The following AGAP1 variants were observed in gnomAD, a reference collection of about 807,000 sequenced individuals.
AGAP1 encodes arf-GAP with GTPase, ANK repeat and PH domain-containing protein 1.
In AGAP1, 29 loss-of-function variants were observed where a neutral mutation model predicts 105.3. The ratio of observed to expected loss-of-function variants is 0.28; its 90% CI spans 0.21 to 0.38. The LOEUF (loss-of-function observed/expected upper bound fraction) is 0.38, where lower values mean the gene tolerates loss of function less well. AGAP1 is among the 10% of genes least tolerant of loss of function. The probability of loss-of-function intolerance (pLI) is 1.00; values close to 1 mark genes in which losing one functional copy is unlikely to be tolerated. For synonymous variants in AGAP1, 509 were observed against 485.9 expected (o/e 1.05, Z -0.63); for missense variants, 998 against 1,165.1 (o/e 0.86, Z 2.09).
intron 1 of AGAP1, among the ~76,000 whole-genome samples, chr2:235,684,198 C>T (rs988354626): frequency 1.4e-4 from 22 of 152,226 alleles, no homozygotes; most frequent in Non-Finnish European, 2.6e-4. Context: ...GCCGCCACCA[C>T]GCCTGGCTAA....
rs2050673278 is a variant in AGAP1 at position 235,893,890 on chromosome 2, A to G, written c.1155+10441A>G. On this transcript the variant is annotated intron_variant, in intron 10 of 17. Coordinates refer to ENST00000304032, the MANE Select transcript of AGAP1 (RefSeq NM_001037131.3). This position sits in a 1 kb window ranked among gnomAD's most constrained non-coding sequence, Gnocchi z 4.7. ...ACATTGACAATCCTGGCTGTGCTCT[A>G]CAGATTGTGGTATGATTGAGACTAA... is the stretch of plus-strand genomic sequence containing the variant. 6.6e-6 allele frequency among the ~76,000 whole-genome samples: 1 copy of G among 152,062 alleles called. No individual in the cohort carries two copies. The highest frequency in any genetic ancestry group is 1.9e-4 in the East Asian group (1 of 5,182).
chr2:235,771,428 G>T (rs961447755), intron 6 of AGAP1, among the ~76,000 whole-genome samples: 2 of 152,192 alleles, frequency 1.3e-5, no homozygotes, highest in African/African-American at 4.8e-5. Context: ...AGGAACCCAC[G>T]GACCTGCCAC....
chr2:235,783,296 T>C (rs761982801), intron 6 of AGAP1: 1 of 468,548 alleles, frequency 2.1e-6, no homozygotes, highest in African/African-American at 2.0e-5. Flanking sequence ...CTTTTACCTA[T>C]AGCTAACATT....
chr2:235,797,127 T>C (rs1022732272), intron 6 of AGAP1, among the ~76,000 whole-genome samples: 3 of 152,184 alleles, frequency 2.0e-5, no homozygotes, highest in African/African-American at 7.2e-5. Flanking sequence ...TCTTTAGGCT[T>C]TGGGGGAAAA....
intron 12 of AGAP1, among the ~76,000 whole-genome samples, chr2:235,939,769 C>T (rs1193186520): frequency 2.0e-5 from 3 of 152,166 alleles, no homozygotes; most frequent in Non-Finnish European, 2.9e-5. Flanking sequence ...TCTCTGAAGA[C>T]ACACACAGGT....
Position 235,536,677 on chromosome 2 carries a change from A to C in AGAP1, c.163+41828A>C, listed in dbSNP as rs72984695. ...CACACACACACACACACACACACAC[A>C]CCCCTTGCTTATGTCCTCCACCCGT... On this transcript the variant is annotated intron_variant, in intron 1 of 17. Transcript: ENST00000304032. Among the ~76,000 whole-genome samples, 641 of 116,020 alleles carry C rather than the reference A, an allele frequency of 5.5e-3. 1 individual carries two copies. Among genetic ancestry groups the C allele is most frequent in the Non-Finnish European group, 8.0e-3 (416 of 51,716 alleles). The allele number at this position is 116,020 out of a possible 152,430, so 76.1% of individuals were successfully genotyped here. A position where few individuals can be genotyped will look rare whatever the true frequency, so the allele number is the denominator to read the frequency against.
chr2:235,921,851 C>T (rs1483950740), intron 11 of AGAP1, among the ~76,000 whole-genome samples: 1 of 152,180 alleles, frequency 6.6e-6, no homozygotes, highest in African/African-American at 2.4e-5. Flanking sequence ...TCCTCTCAGC[C>T]TGAAATTCCA....
rs964648394 is a variant in AGAP1, at chr2:235,750,854, G to A, written c.673+366G>A. ...AATTGCCCATTCTTAATCCAGTCCC[G>A]TCCTTTAAAGCAGTTTAAATATTTG... On this transcript the variant is annotated intron_variant, in intron 6 of 17. Coordinates refer to ENST00000304032, the MANE Select transcript of AGAP1 (RefSeq NM_001037131.3). This position sits in a 1 kb window ranked among gnomAD's most constrained non-coding sequence, Gnocchi z 5.3. Among the ~76,000 whole-genome samples, 5 of 152,032 alleles carry A rather than the reference G, an allele frequency of 3.3e-5. No individual in the cohort carries two copies. The highest frequency in any genetic ancestry group is 6.5e-5 in the Admixed American group (1 of 15,280).
rs2106568771 is a variant in AGAP1, at chr2:235,872,879, G to A, written c.1051-10466G>A. On this transcript the variant is annotated intron_variant, in intron 9 of 17. Coordinates refer to ENST00000304032, the MANE Select transcript of AGAP1 (RefSeq NM_001037131.3). The surrounding 1 kb of genome is among the most constrained non-coding windows in gnomAD (Gnocchi z 4.5). ...TTGCTTTGGGAAGAGTGTGGACTAA[G>A]AAGGGGCTTGGCTTGTGTTGCCACA... Among the ~76,000 whole-genome samples the A allele has an allele frequency of 6.6e-6, 1 of 152,346 alleles. No individual in the cohort carries two copies. The highest frequency in any genetic ancestry group is 2.4e-5 in the African/African-American group (1 of 41,594).
intron 6 of AGAP1, chr2:235,773,996 CAAAAAT>C (rs1257723133): frequency 2.1e-6 from 1 of 469,978 alleles, no homozygotes; most frequent in Non-Finnish European, 4.4e-6. Context: ...AGATTTTTAA[CAAAAAT>C]AAAACAGGAC....
At position 235,993,608 on chromosome 2, in the gene AGAP1, C is replaced by G. The variant is rs143803699; in HGVS notation, c.1645+24985C>G. ...TGTGGAAACTGAAGCCAGCAAGATA[C>G]TGTGAAGGAAAATGCTTGGAGAATG... On this transcript the variant is annotated intron_variant, in intron 13 of 17. Transcript: ENST00000304032. This position sits in a 1 kb window ranked among gnomAD's most constrained non-coding sequence, Gnocchi z 5.0. 0.011 allele frequency among the ~76,000 whole-genome samples: 1,722 copies of G among 152,320 alleles called. 16 individuals carry two copies. Among genetic ancestry groups the G allele is most frequent in the Middle Eastern group, 0.027 (8 of 294 alleles).
At chr2:236,043,338 C>T (rs6739594) in intron 15 of AGAP1, among the ~76,000 whole-genome samples, 110,471 of 152,212 alleles carry the variant, frequency 0.73, 40,887 homozygotes, top group African/African-American at 0.87. Context: ...CAGTGCTTTA[C>T]ATGGCAAAAA....
rs2054043724 is a variant in AGAP1, at chr2:235,958,471, A to G, written c.1484-9991A>G. On this transcript the variant is annotated intron_variant, in intron 12 of 17. Coordinates refer to ENST00000304032, the MANE Select transcript of AGAP1 (RefSeq NM_001037131.3). This position sits in a 1 kb window ranked among gnomAD's most constrained non-coding sequence, Gnocchi z 4.1. Reference sequence around the variant, plus strand: ...GAGCGCGAGGGATATGAGAATCACAAGCACAGAGACTCATCTCTTGAATAT... The same window carrying G: ...GAGCGCGAGGGATATGAGAATCACAGGCACAGAGACTCATCTCTTGAATAT... Among the ~76,000 whole-genome samples, 1 of 152,120 alleles carries G rather than the reference A, an allele frequency of 6.6e-6. No individual in the cohort carries two copies. Among genetic ancestry groups the G allele is most frequent in the African/African-American group, 2.4e-5 (1 of 41,432 alleles).
intron 12 of AGAP1, among the ~76,000 whole-genome samples, chr2:235,950,809 A>C (rs1466595304): frequency 6.6e-6 from 1 of 152,034 alleles, no homozygotes; most frequent in Non-Finnish European, 1.5e-5. Context: ...TATGTGACTG[A>C]ACTGTATTAA....
At chr2:235,913,444 AT>A (rs1200142268) in intron 11 of AGAP1, among the ~76,000 whole-genome samples, 1 of 151,598 alleles carries the variant, frequency 6.6e-6, no homozygotes, top group African/African-American at 2.4e-5. Context: ...TCTTTGTTGA[AT>A]TTTTTTTCTT....
chr2:235,566,720 G>A lies in AGAP1; in HGVS notation c.163+71871G>A, dbSNP rs541551320. On this transcript the variant is annotated intron_variant, in intron 1 of 17. Transcript: ENST00000304032. The surrounding 1 kb of genome is among the most constrained non-coding windows in gnomAD (Gnocchi z 5.2). ...AGGATGCATATTCAGGCAGGAAGTT[G>A]TTGGGGTTAACATGAGTGGACCCTA... The A allele has an allele frequency of 3.3e-5, 21 of 639,588 alleles. No individual in the cohort carries two copies. The Admixed American group carries it at 5.7e-4, about 17-fold the overall frequency. 39.6% of individuals were successfully genotyped at this position (639,588 alleles called of 1,614,324 possible). A position where few individuals can be genotyped will look rare whatever the true frequency, so the allele number is the denominator to read the frequency against.
rs1435379235 is a variant in AGAP1 at position 235,600,441 on chromosome 2, C to T, written c.163+105592C>T. 2.0e-5 allele frequency among the ~76,000 whole-genome samples: 3 copies of T among 152,308 alleles called. No individual in the cohort carries two copies. Among genetic ancestry groups the T allele is most frequent in the East Asian group, 1.9e-4 (1 of 5,170 alleles). The stretch of plus-strand genomic sequence containing the variant: ...CCCCATACTCCTGTAGATACCCCCT[C>T]ATTACAGACCCCCACCATCCCCGCT... On this transcript the variant is annotated intron_variant, in intron 1 of 17. Transcript: ENST00000304032. The surrounding 1 kb of genome is among the most constrained non-coding windows in gnomAD (Gnocchi z 4.8).
At chr2:235,523,321 G>A (rs779175090) in intron 1 of AGAP1, among the ~76,000 whole-genome samples, 24 of 152,338 alleles carry the variant, frequency 1.6e-4, no homozygotes, top group Non-Finnish European at 3.1e-4. Context: ...CCATAACAGG[G>A]TGAGGGTGCA....
In AGAP1 at chr2:235,828,008, C is replaced by T. The variant is rs372063200; in HGVS notation, c.1050+20677C>T. ...CTTGCCCAGCCACTGTGGGTCCTGA[C>T]GGTGCAGTAGGGGCTGCATTTTGAC... On this transcript the variant is annotated intron_variant, in intron 9 of 17. Coordinates refer to ENST00000304032, the MANE Select transcript of AGAP1 (RefSeq NM_001037131.3). 1.6e-4 allele frequency among the ~76,000 whole-genome samples: 25 copies of T among 152,272 alleles called. 1 individual carries two copies. Among genetic ancestry groups the T allele is most frequent in the African/African-American group, 4.6e-4 (19 of 41,558 alleles).
Sources: gnomAD v4.1 joint callset for allele counts (sites outside exome capture counted in the v4.1 genomes callset) on GRCh38, gnomAD v4.1.1 for gene constraint, Gnocchi (gnomAD v3.1) non-coding constraint, MANE v1.5 for transcripts, NCBI Gene and HGNC (gene_info 2026-07-23, HGNC 2026-07-21) for gene names.